Variants in RHOBTB2 observed in about 807,000 individuals in gnomAD.
The protein encoded by RHOBTB2 is Rho related BTB domain containing 2.
Under a neutral mutation model 66.5 loss-of-function variants are expected in RHOBTB2, and 39 were observed. That is an observed-to-expected ratio of 0.59 (90% CI 0.45 to 0.77). The LOEUF (loss-of-function observed/expected upper bound fraction) is 0.77. Ranked by LOEUF, RHOBTB2 falls within the 30% of genes least tolerant of loss-of-function variation. The pLI, the probability that RHOBTB2 is intolerant of heterozygous loss-of-function variation, is 0.00. For missense variants in RHOBTB2, 755 were observed against 999.1 expected (o/e 0.76, Z 3.29); for synonymous variants, 390 against 395.0 (o/e 0.99, Z 0.15).
chr8:23,014,553 T>G, intron 7 of RHOBTB2, 137 bp from the exon 8 acceptor site: 1 of 691,998 alleles, frequency 1.4e-6, no homozygotes, highest in Non-Finnish European at 2.5e-6. Context: ...CGTCATAGCC[T>G]GGGGCCTTTC....
chr8:22,973,902 C>A, the RHOBTB2 span, among the ~76,000 whole-genome samples: 1 of 152,182 alleles, frequency 6.6e-6, no homozygotes, highest in Non-Finnish European at 1.5e-5. Context: ...CTCAGCCCAT[C>A]AACCTCACCA....
chr8:22,977,834 G>T, the RHOBTB2 span: 1 of 152,234 alleles, frequency 6.6e-6, no homozygotes, highest in South Asian at 2.1e-4. Context: ...TGGTGGTTTT[G>T]TGGTTATATA....
At chr8:22,951,396 G>A in the RHOBTB2 span, among the ~76,000 whole-genome samples, 1 of 151,970 alleles carries the variant, frequency 6.6e-6, no homozygotes, top group Non-Finnish European at 1.5e-5. Flanking sequence ...GCGCATCCAT[G>A]TAAAGAGTCC....
chr8:22,972,525 C>A, the RHOBTB2 span, among the ~76,000 whole-genome samples: 1 of 152,212 alleles, frequency 6.6e-6, no homozygotes, highest in Non-Finnish European at 1.5e-5. Context: ...CTTGCTATGC[C>A]TCCAGTCTCA....
chr8:22,999,470 C>T, upstream of RHOBTB2: 1 of 770,398 alleles, frequency 1.3e-6, no homozygotes, highest in Non-Finnish European at 1.6e-6. Context: ...ATCTGCGGGG[C>T]GTCCAATCCC....
At chr8:22,999,520 T>C, upstream of RHOBTB2, 1 of 1,057,314 alleles carries the variant, frequency 9.5e-7, no homozygotes, top group Non-Finnish European at 1.2e-6. Flanking sequence ...CCCCGAACGC[T>C]TTCCACCAAC....
At chr8:23,002,345 G>T (rs965962674) in intron 1 of RHOBTB2, among the ~76,000 whole-genome samples, 2 of 152,206 alleles carry the variant, frequency 1.3e-5, no homozygotes, top group Non-Finnish European at 2.9e-5. Flanking sequence ...CCGGTCCTCA[G>T]TTCAGGAGAG....
At chr8:22,975,823 C>T in the RHOBTB2 span, among the ~76,000 whole-genome samples, 2 of 152,208 alleles carry the variant, frequency 1.3e-5, no homozygotes, top group East Asian at 3.9e-4. Context: ...CTCTTCCCTC[C>T]CTCCTGTCTC....
chr8:23,014,604 C>T, intron 7 of RHOBTB2, 86 bp from the exon 8 acceptor site: 1 of 1,280,102 alleles, frequency 7.8e-7, no homozygotes, highest in East Asian at 2.5e-5. Context: ...TTTTCCTCAC[C>T]CTGAAGTGAG....
At chr8:22,995,915 C>T, upstream of RHOBTB2, 1 of 1,548,062 alleles carries the variant, frequency 6.5e-7, no homozygotes, top group Non-Finnish European at 8.7e-7. Flanking sequence ...AAGGGTAAAG[C>T]TGCCTGTGAA....
chr8:23,000,889 T>G (rs1810756320), intron 1 of RHOBTB2, among the ~76,000 whole-genome samples: 1 of 152,038 alleles, frequency 6.6e-6, no homozygotes, highest in Non-Finnish European at 1.5e-5. Context: ...CCCAGGGAGA[T>G]TCTGTTGTTT....
At chr8:22,974,726 T>TA in the RHOBTB2 span, among the ~76,000 whole-genome samples, 1 of 151,956 alleles carries the variant, frequency 6.6e-6, no homozygotes, top group Non-Finnish European at 1.5e-5. Flanking sequence ...TTTCCTGAGG[T>TA]AAAAATTAAA....
In RHOBTB2 at chr8:23,006,979, T is replaced by C. The variant is rs146491810; in HGVS notation, c.734T>C (p.Val245Ala). Residue 245 changes from valine (V) to alanine (A), a missense_variant, in exon 5 of 10, where the codon GTG (valine) becomes GCG (alanine). By Grantham distance (64) the Val-to-Ala change is moderately conservative. Coordinates refer to ENST00000251822, the MANE Select transcript of RHOBTB2 (RefSeq NM_015178.3). This position sits in a 1 kb window ranked among gnomAD's most constrained non-coding sequence, Gnocchi z 6.1. ...PPKPPPPIIV[V>A]PDPPSSSEEC... Reference sequence around the variant, plus strand: ...AAGCCACCGCCCCCGATCATCGTGGTGCCCGACCCTCCCTCCAGCAGCGAG... The same window carrying C: ...AAGCCACCGCCCCCGATCATCGTGGCGCCCGACCCTCCCTCCAGCAGCGAG... 3,017 of 1,610,682 alleles carry C rather than the reference T, an allele frequency of 1.9e-3. 5 individuals carry two copies. Among genetic ancestry groups the C allele is most frequent in the Non-Finnish European group, 2.3e-3 (2,697 of 1,179,890 alleles).
At chr8:22,995,840 C>T, upstream of RHOBTB2, 1 of 1,551,516 alleles carries the variant, frequency 6.4e-7, no homozygotes, top group Non-Finnish European at 8.7e-7. Context: ...GTGGGCTCCG[C>T]AGAGGCTGTA....
At position 23,006,174 on chromosome 8, in the gene RHOBTB2, ACATGGATGGGTGCCTCAC is replaced by A. The variant is rs1810944550; in HGVS notation, c.482+35_482+52del. The stretch of plus-strand genomic sequence containing the variant: ...GGAGGTGCTGGTACCAAGGAGACAG[ACATGGATGGGTGCCTCAC>A]CATGGCTCCCTGCTCAGCCCTGGGG... On this transcript the variant is annotated intron_variant, in intron 4 of 9. Transcript: ENST00000251822. This position sits in a 1 kb window ranked among gnomAD's most constrained non-coding sequence, Gnocchi z 6.1. 6.3e-7 allele frequency: 1 copy of A among 1,585,700 alleles called. No individual in the cohort carries two copies. The highest frequency in any genetic ancestry group is 1.3e-5 in the African/African-American group (1 of 74,436).
chr8:22,978,803 G>A, the RHOBTB2 span, among the ~76,000 whole-genome samples: 3 of 152,000 alleles, frequency 2.0e-5, no homozygotes, highest in Non-Finnish European at 4.4e-5. Context: ...AACAGTATAT[G>A]ACATGCAAAT....
the RHOBTB2 span, among the ~76,000 whole-genome samples, chr8:22,959,766 G>A: frequency 1.2e-4 from 18 of 152,192 alleles, no homozygotes; most frequent in Middle Eastern, 3.4e-3. Flanking sequence ...AATTAAGGCT[G>A]TTCAGGCAGA....
the RHOBTB2 span, among the ~76,000 whole-genome samples, chr8:22,977,255 A>C: frequency 6.6e-6 from 1 of 152,192 alleles, no homozygotes; most frequent in East Asian, 1.9e-4. Flanking sequence ...AGCACCCAGC[A>C]CTTTCCTGGA....
chr8:22,977,488 C>A, the RHOBTB2 span, among the ~76,000 whole-genome samples: 1 of 150,422 alleles, frequency 6.6e-6, no homozygotes, highest in African/African-American at 2.5e-5. Flanking sequence ...GGGAGGATTG[C>A]TTAAGCCTGG....
Sources: gnomAD v4.1 joint callset for allele counts (sites outside exome capture counted in the v4.1 genomes callset) on GRCh38, gnomAD v4.1.1 for gene constraint, Gnocchi (gnomAD v3.1) non-coding constraint, MANE v1.5 for transcripts, NCBI Gene and HGNC (gene_info 2026-07-23, HGNC 2026-07-21) for gene names.